TMEM132D: variants seen among roughly 807,000 people sequenced by gnomAD.
TMEM132D encodes the protein transmembrane protein 132D.
Under a neutral mutation model 62.3 loss-of-function variants are expected in TMEM132D, and 21 were observed. That is an observed-to-expected ratio of 0.34 (90% CI 0.24 to 0.49). TMEM132D has a LOEUF of 0.49. Among genes scored for constraint, TMEM132D ranks in the 20% least tolerant of loss-of-function variants. The probability of loss-of-function intolerance (pLI) is 0.99; values close to 1 mark genes in which losing one functional copy is unlikely to be tolerated. For synonymous variants in TMEM132D, 621 were observed against 575.6 expected (o/e 1.08, Z -1.13); for missense variants, 1,346 against 1,402.8 (o/e 0.96, Z 0.65).
Position 129,132,118 on chromosome 12 carries a change from C to T in TMEM132D, c.1444-47416G>A, listed in dbSNP as rs373981669. Among the ~76,000 whole-genome samples, 11 of 152,240 alleles carry T rather than the reference C, an allele frequency of 7.2e-5. No homozygotes were observed. In the South Asian group the frequency reaches 2.3e-3, roughly 32 times the overall value. On this transcript the variant is annotated intron_variant, in intron 5 of 8. Coordinates refer to ENST00000422113, the MANE Select transcript of TMEM132D (RefSeq NM_133448.3). ...ATAAGTAATTTATAAGGCATTTTTA[C>T]AGGAAAGACAATTTGGTGCAGTTGA...
intron 2 of TMEM132D, among the ~76,000 whole-genome samples, chr12:129,694,044 T>C (rs1372046967): frequency 6.6e-6 from 1 of 152,230 alleles, no homozygotes; most frequent in African/African-American, 2.4e-5. Flanking sequence ...GTACTATCTA[T>C]ACTAAACTTC....
intron 2 of TMEM132D, among the ~76,000 whole-genome samples, chr12:129,549,448 A>G (rs1040748171): frequency 6.6e-6 from 1 of 152,006 alleles, no homozygotes; most frequent in African/African-American, 2.4e-5. Context: ...ATGGTAGTGA[A>G]TAAGTCTCAT....
At chr12:129,496,614 G>T (rs1278518866) in intron 3 of TMEM132D, among the ~76,000 whole-genome samples, 2 of 151,916 alleles carry the variant, frequency 1.3e-5, no homozygotes, top group African/African-American at 2.4e-5. Context: ...GGAGGAAAGA[G>T]AAATATATGT....
At chr12:129,235,483 T>C (rs779091879) in intron 4 of TMEM132D, among the ~76,000 whole-genome samples, 9 of 152,130 alleles carry the variant, frequency 5.9e-5, no homozygotes, top group Non-Finnish European at 1.3e-4. Flanking sequence ...TTTGTGACTT[T>C]CACTTAGCAC....
At chr12:129,772,246 A>G (rs1406910884) in intron 1 of TMEM132D, among the ~76,000 whole-genome samples, 1 of 152,206 alleles carries the variant, frequency 6.6e-6, no homozygotes, top group Non-Finnish European at 1.5e-5. Flanking sequence ...ATACACCTAT[A>G]ATTTAAATTG....
At chr12:129,576,959 T>C (rs933455249) in intron 2 of TMEM132D, among the ~76,000 whole-genome samples, 1 of 151,882 alleles carries the variant, frequency 6.6e-6, no homozygotes, top group African/African-American at 2.4e-5. Context: ...TCTGAAATAG[T>C]GGCAACCATG....
In TMEM132D at chr12:129,074,492, G is replaced by A. The variant is rs1165997553; in HGVS notation, c.2683C>T (p.Pro895Ser). Residue 895 changes from proline (P) to serine (S), a missense_variant, in exon 9 of 9, where the codon CCC becomes TCC. By Grantham distance (74) the Pro-to-Ser change is moderately conservative. Transcript: ENST00000422113. ...CCATCCATTTCCCCATTGCTTCTGG[G>A]GAGGTCCACCTGGGCTGGGAAGCTG... ...LTSFPAQVDL[P>S]RSNGEMDGND... The A allele has an allele frequency of 6.2e-7, 1 of 1,614,128 alleles. No homozygotes were observed. Among genetic ancestry groups the A allele is most frequent in the Non-Finnish European group, 8.5e-7 (1 of 1,180,054 alleles).
chr12:129,717,874 A>T (rs2137241406), intron 1 of TMEM132D, among the ~76,000 whole-genome samples: 1 of 152,234 alleles, frequency 6.6e-6, no homozygotes, highest in African/African-American at 2.4e-5. Flanking sequence ...TGAATGTCTC[A>T]AGTGCGCTCG....
chr12:129,534,940 CT>C (rs55831218), intron 2 of TMEM132D, among the ~76,000 whole-genome samples: 35,281 of 152,034 alleles, frequency 0.23, 5,250 homozygotes, highest in African/African-American at 0.41. Context: ...CATCCAGTCC[CT>C]TCTTGTTTAA....
At chr12:129,087,908 GGGGTGTCCTCCCT>G (rs1874682615) in intron 5 of TMEM132D, among the ~76,000 whole-genome samples, 1 of 107,892 alleles carries the variant, frequency 9.3e-6, no homozygotes, top group Non-Finnish European at 1.8e-5. Flanking sequence ...CTCCCTGACC[GGGGTGTCCTCCCT>G]GACCGGGTGT....
chr12:129,303,671 G>T (rs976034702), intron 4 of TMEM132D, among the ~76,000 whole-genome samples: 13 of 152,152 alleles, frequency 8.5e-5, no homozygotes, highest in Non-Finnish European at 1.3e-4. Context: ...AGAGCCAACA[G>T]GATATACACA....
chr12:129,453,099 A>G (rs57099805), intron 3 of TMEM132D, among the ~76,000 whole-genome samples: 27,854 of 152,140 alleles, frequency 0.18, 2,648 homozygotes, highest in Middle Eastern at 0.24. Context: ...CTGCGTATGC[A>G]AGGGATCTAG....
intron 1 of TMEM132D, among the ~76,000 whole-genome samples, chr12:129,817,558 G>T (rs1872382946): frequency 6.6e-6 from 1 of 151,656 alleles, no homozygotes; most frequent in Non-Finnish European, 1.5e-5. Flanking sequence ...AGCAAGCTGG[G>T]AGAATGGAAA....
chr12:129,604,419 G>T (rs1438085470), intron 2 of TMEM132D, among the ~76,000 whole-genome samples: 1 of 152,180 alleles, frequency 6.6e-6, no homozygotes, highest in Non-Finnish European at 1.5e-5. Context: ...TTGCTTCCAA[G>T]TTTGGGCATT....
At chr12:129,255,340 A>C (rs571652419) in intron 4 of TMEM132D, among the ~76,000 whole-genome samples, 1 of 152,318 alleles carries the variant, frequency 6.6e-6, no homozygotes, top group African/African-American at 2.4e-5. Context: ...CACCCAGCTC[A>C]AGCTTAAACC....
intron 4 of TMEM132D, among the ~76,000 whole-genome samples, chr12:129,273,021 C>T (rs1352574593): frequency 6.6e-6 from 1 of 151,776 alleles, no homozygotes; most frequent in Non-Finnish European, 1.5e-5. Flanking sequence ...CACAGTGAAA[C>T]CCTGTCTCTA....
intron 8 of TMEM132D, among the ~76,000 whole-genome samples, chr12:129,077,156 C>A (rs965026370): frequency 1.3e-5 from 2 of 152,164 alleles, no homozygotes; most frequent in African/African-American, 4.8e-5. Flanking sequence ...TCTTTGTGCC[C>A]CTTAGCAAGT....
chr12:129,732,607 C>T (rs1354153185), intron 1 of TMEM132D, among the ~76,000 whole-genome samples: 1 of 152,192 alleles, frequency 6.6e-6, no homozygotes, highest in African/African-American at 2.4e-5. Context: ...CCTGCTCCCT[C>T]CCACTTCCCC....
At chr12:129,774,981 C>T (rs77592225) in intron 1 of TMEM132D, among the ~76,000 whole-genome samples, 6,503 of 151,852 alleles carry the variant, frequency 0.043, 202 homozygotes, top group Non-Finnish European at 0.067. Flanking sequence ...ATCAGGGGCA[C>T]AGAACCATGT....
Sources: gnomAD v4.1 joint callset for allele counts (sites outside exome capture counted in the v4.1 genomes callset) on GRCh38, gnomAD v4.1.1 for gene constraint, MANE v1.5 for transcripts, NCBI Gene and HGNC (gene_info 2026-07-23, HGNC 2026-07-21) for gene names.